The following PPM1H variants were observed in gnomAD, a reference collection of about 807,000 sequenced individuals.
The protein encoded by PPM1H is protein phosphatase, Mg2+/Mn2+ dependent 1H, also known as protein phosphatase 1H.
A neutral mutation model predicts 54.9 loss-of-function variants in PPM1H; 27 were observed. The ratio of observed to expected loss-of-function variants is 0.49; its 90% CI spans 0.36 to 0.68. The LOEUF (loss-of-function observed/expected upper bound fraction) is 0.68, where lower values mean the gene tolerates loss of function less well. Ranked by LOEUF, PPM1H falls within the 30% of genes least tolerant of loss-of-function variation. PPM1H has a pLI of 0.00. For missense variants in PPM1H, 596 were observed against 667.8 expected (o/e 0.89, Z 1.19); for synonymous variants, 305 against 270.8 (o/e 1.13, Z -1.24).
intron 1 of PPM1H, among the ~76,000 whole-genome samples, chr12:62,904,584 G>A (rs1871253342): frequency 6.6e-6 from 1 of 152,144 alleles, no homozygotes; most frequent in Non-Finnish European, 1.5e-5. Context: ...ACAGAACGGT[G>A]CCATATGTTT....
intron 4 of PPM1H, among the ~76,000 whole-genome samples, chr12:62,776,203 C>T (rs1437685140): frequency 6.6e-6 from 1 of 152,122 alleles, no homozygotes; most frequent in Non-Finnish European, 1.5e-5. Flanking sequence ...GGGGACACAG[C>T]CAAATCATAT....
chr12:62,885,276 G>C (rs79727548), intron 1 of PPM1H, among the ~76,000 whole-genome samples: 1 of 152,004 alleles, frequency 6.6e-6, no homozygotes, highest in African/African-American at 2.4e-5. Context: ...CATATCAGAG[G>C]GCCCTGTTTT....
intron 1 of PPM1H, among the ~76,000 whole-genome samples, chr12:62,866,246 T>C (rs1253864044): frequency 6.6e-6 from 1 of 152,200 alleles, no homozygotes; most frequent in Non-Finnish European, 1.5e-5. Flanking sequence ...GTAAAGAGCC[T>C]GTCCAGTTCC....
At chr12:62,702,514 CCTTCT>C (rs775956289) in intron 6 of PPM1H, among the ~76,000 whole-genome samples, 163 of 149,046 alleles carry the variant, frequency 1.1e-3, no homozygotes, top group Admixed American at 5.0e-3. Context: ...CCACGATCTC[CCTTCT>C]CTTCTAAGTC....
intron 5 of PPM1H, among the ~76,000 whole-genome samples, chr12:62,723,996 T>C (rs1330977523): frequency 2.0e-5 from 3 of 151,922 alleles, no homozygotes; most frequent in South Asian, 2.1e-4. Flanking sequence ...CCCCAGAAAA[T>C]AGATCATTAA....
chr12:62,803,147 C>T (rs78065104), intron 2 of PPM1H, among the ~76,000 whole-genome samples: 50 of 152,302 alleles, frequency 3.3e-4, no homozygotes, highest in African/African-American at 1.1e-3. Context: ...CTTTATACTT[C>T]CCACCTCCCT....
rs1031175008 is a variant in PPM1H at position 62,647,610 on chromosome 12, C to G, written c.*879G>C. 6.6e-6 allele frequency: 1 copy of G among 152,240 alleles called. No homozygotes were observed. The highest frequency in any genetic ancestry group is 1.5e-5 in the Non-Finnish European group (1 of 68,096). 9.4% of individuals were successfully genotyped at this position (152,240 alleles called of 1,614,324 possible). A position where few individuals can be genotyped will look rare whatever the true frequency, so the allele number is the denominator to read the frequency against. On this transcript the variant is annotated 3_prime_UTR_variant, in exon 10 of 10. Transcript: ENST00000228705. ...TCTCACAGAGAACCCTTGAGCCACA[C>G]AGGAAGACCACTGAAGACAACAGAG...
chr12:62,763,228 G>A (rs554422294), intron 4 of PPM1H, among the ~76,000 whole-genome samples: 19 of 152,150 alleles, frequency 1.2e-4, no homozygotes, highest in African/African-American at 3.1e-4. Context: ...GGAATCAGGC[G>A]GACCGGGGTT....
chr12:62,832,167 T>C lies in PPM1H; in HGVS notation c.358A>G (p.Lys120Glu). The C allele has an allele frequency of 6.2e-7, 1 of 1,613,936 alleles. No individual in the cohort carries two copies. The highest frequency in any genetic ancestry group is 8.5e-7 in the Non-Finnish European group (1 of 1,179,856). Residue 120 changes from lysine to glutamate, a missense_variant, in exon 2 of 10, where the codon AAG becomes GAG. Lys to Glu is a moderately conservative substitution (Grantham distance 56, BLOSUM62 1). This residue lies in a region of PPM1H where 382 missense variants were observed against 387.1 expected (regional missense o/e 0.99). Coordinates refer to ENST00000228705, the MANE Select transcript of PPM1H (RefSeq NM_020700.2). Reference sequence around the variant, plus strand: ...CCATTGGGAAGGGAGGACCGTCTCTTGGATGAGTTCCTGTTTGGGGTTGAG... The same window carrying C: ...CCATTGGGAAGGGAGGACCGTCTCTCGGATGAGTTCCTGTTTGGGGTTGAG... ...VTSTPNRNSS[K>E]RRSSLPNGEG...
chr12:62,791,375 A>AAACC (rs745884505), intron 3 of PPM1H, among the ~76,000 whole-genome samples: 2 of 152,174 alleles, frequency 1.3e-5, no homozygotes, highest in African/African-American at 2.4e-5. Context: ...ACCTCCAAGA[A>AAACC]AACCCATAAA....
intron 1 of PPM1H, among the ~76,000 whole-genome samples, chr12:62,839,160 T>C (rs1290315654): frequency 6.6e-6 from 1 of 152,084 alleles, no homozygotes; most frequent in East Asian, 1.9e-4. Context: ...CTAAGTGCCA[T>C]CTTGTGGAGG....
intron 1 of PPM1H, among the ~76,000 whole-genome samples, chr12:62,880,171 A>G (rs192009967): frequency 3.3e-4 from 51 of 152,348 alleles, no homozygotes; most frequent in Non-Finnish European, 1.3e-4. Flanking sequence ...ACACACACAC[A>G]TAAATACCTC....
At chr12:62,806,666 T>C (rs2076807487) in intron 2 of PPM1H, among the ~76,000 whole-genome samples, 1 of 152,210 alleles carries the variant, frequency 6.6e-6, no homozygotes. Context: ...CTTCCTTCTC[T>C]GGCCATGTAA....
At chr12:62,830,947 G>A (rs1868348942) in intron 2 of PPM1H, among the ~76,000 whole-genome samples, 2 of 151,976 alleles carry the variant, frequency 1.3e-5, no homozygotes, top group Admixed American at 6.5e-5. Flanking sequence ...TCTGCCTCCT[G>A]GGTTCACGCC....
intron 1 of PPM1H, among the ~76,000 whole-genome samples, chr12:62,882,257 T>C (rs1345269769): frequency 2.6e-5 from 4 of 152,200 alleles, no homozygotes. Flanking sequence ...CTGGAGATTG[T>C]AGACTGGACA....
Position 62,809,073 on chromosome 12 carries a change from T to G in PPM1H, c.412-6913A>C, listed in dbSNP as rs190141268. Among the ~76,000 whole-genome samples, 429 of 152,292 alleles carry G rather than the reference T, an allele frequency of 2.8e-3. 4 individuals carry two copies. Among genetic ancestry groups the G allele is most frequent in the African/African-American group, 9.3e-3 (387 of 41,564 alleles). ...TTTTGCTGTACCTTTATTTTATTTT[T>G]CTGAGACAGAGTCTGTCACCTAGTC... is the stretch of plus-strand genomic sequence containing the variant. On this transcript the variant is annotated intron_variant, in intron 2 of 9. Coordinates refer to ENST00000228705, the MANE Select transcript of PPM1H (RefSeq NM_020700.2).
chr12:62,669,576 C>T (rs140875852), intron 8 of PPM1H, among the ~76,000 whole-genome samples: 138 of 152,246 alleles, frequency 9.1e-4, no homozygotes, highest in Non-Finnish European at 1.7e-3. Context: ...GAGACTGTTC[C>T]TTAGAGTGGG....
At chr12:62,790,393 T>C (rs1008049173) in intron 3 of PPM1H, among the ~76,000 whole-genome samples, 3 of 151,992 alleles carry the variant, frequency 2.0e-5, no homozygotes, top group African/African-American at 4.8e-5. Flanking sequence ...CTGGGCAACA[T>C]AGTGATACCC....
At chr12:62,712,774 T>G (rs2076214494) in intron 6 of PPM1H, among the ~76,000 whole-genome samples, 1 of 152,198 alleles carries the variant, frequency 6.6e-6, no homozygotes, top group Non-Finnish European at 1.5e-5. Flanking sequence ...AGAGGGACAC[T>G]GTCCCTTTAA....
Sources: allele counts gnomAD v4.1 joint callset (sites outside exome capture counted in the v4.1 genomes callset), GRCh38; gene constraint gnomAD v4.1.1; regional missense constraint gnomAD v4.1.1; transcripts MANE v1.5; gene names NCBI Gene and HGNC (gene_info 2026-07-23, HGNC 2026-07-21).